TSFM: variants seen among roughly 807,000 people sequenced by gnomAD.
The protein encoded by TSFM is elongation factor Ts, mitochondrial.
TSFM carries 29 observed loss-of-function variants against 33.4 expected under a neutral mutation model. That is an observed-to-expected ratio of 0.87 (90% CI 0.65 to 1.18). The LOEUF is 1.18. TSFM is among the 50% of genes most tolerant of loss of function. The probability of loss-of-function intolerance (pLI) is 0.00; values close to 1 mark genes in which losing one functional copy is unlikely to be tolerated. For missense variants in TSFM, 394 were observed against 395.6 expected, an observed-to-expected ratio of 1.00 and a Z score of 0.04; for synonymous variants, 178 against 163.5, an observed-to-expected ratio of 1.09 and a Z score of -0.68.
At chr12:57,798,905 G>A (rs537580750), downstream of TSFM, among the ~76,000 whole-genome samples, 4 of 152,208 alleles carry the variant, frequency 2.6e-5, no homozygotes, top group East Asian at 1.9e-4. Context: ...ATGAGCCACC[G>A]TGCCCGGCCA....
intron 5 of TSFM, 79 bp from the exon 6 acceptor site, chr12:57,796,098 C>T: frequency 1.5e-6 from 2 of 1,316,588 alleles, no homozygotes; most frequent in Non-Finnish European, 2.1e-6. Context: ...CCAAACTGGG[C>T]CTCTTCTGTG....
At chr12:57,799,904 G>A (rs771083612), downstream of TSFM, 112 of 1,614,064 alleles carry the variant, frequency 6.9e-5, no homozygotes, top group Non-Finnish European at 9.3e-5. Flanking sequence ...CAGGGAGAGG[G>A]TTGCATTCTT....
At chr12:57,783,663 G>A (rs777359437) in intron 2 of TSFM, 4 of 576,124 alleles carry the variant, frequency 6.9e-6, no homozygotes, top group Non-Finnish European at 1.3e-5. Context: ...GCACGATGTT[G>A]GCTCACTGCA....
At chr12:57,796,063 TATGTA>T (rs1274102340) in intron 5 of TSFM, 109 bp from the exon 6 acceptor site, 23 of 894,992 alleles carry the variant, frequency 2.6e-5, no homozygotes. Context: ...CTGCATATCC[TATGTA>T]AATGCAAAGG....
rs749021035 is a variant in TSFM, at chr12:57,782,795, T to C, written c.-7T>C. Reference sequence around the variant, plus strand: ...CCCGCCGGAGGGTGTTTATCGCGGCTAGAGAGATGTCGCTGCTGCGGTCGC... The same window carrying C: ...CCCGCCGGAGGGTGTTTATCGCGGCCAGAGAGATGTCGCTGCTGCGGTCGC... On this transcript the variant is annotated 5_prime_UTR_variant, in exon 1 of 6. Coordinates refer to ENST00000652027, the MANE Select transcript of TSFM (RefSeq NM_005726.6). The C allele has an allele frequency of 3.8e-6, 6 of 1,587,668 alleles. No individual in the cohort carries two copies. Among genetic ancestry groups the C allele is most frequent in the Non-Finnish European group, 5.1e-6 (6 of 1,167,816 alleles).
downstream of TSFM, chr12:57,800,014 T>A: frequency 6.7e-7 from 1 of 1,484,182 alleles, no homozygotes. Flanking sequence ...CATTTTGACT[T>A]ATGCCACTTC....
chr12:57,797,790 T>A (rs1290989384), downstream of TSFM: 2 of 1,032,070 alleles, frequency 1.9e-6, no homozygotes, highest in Non-Finnish European at 2.7e-6. Flanking sequence ...AGTAGCTGAA[T>A]GTCAGGCAGA....
At position 57,796,581 on chromosome 12, in the gene TSFM, T is replaced by C. The variant is rs1235658920; in HGVS notation, c.976T>C (p.Ter326GlnextTer35). 1 of 1,410,664 alleles carries C rather than the reference T, an allele frequency of 7.1e-7. No individual in the cohort carries two copies. The highest frequency in any genetic ancestry group is 9.3e-7 in the Non-Finnish European group (1 of 1,075,372). 87.4% of individuals were successfully genotyped at this position (1,410,664 alleles called of 1,614,324 possible). A position where few individuals can be genotyped will look rare whatever the true frequency, so the allele number is the denominator to read the frequency against. ...AGGTGAAGAGGCAGCAGAAACTGAATAGGTTCCAGAGACTTTTGGCCCAGG... is the reference window on the plus strand; with the variant it reads ...AGGTGAAGAGGCAGCAGAAACTGAACAGGTTCCAGAGACTTTTGGCCCAGG... ...GEGEEAAETE[*>Q] The change falls in exon 6 of 6, where the codon TAG (stop) becomes CAG (glutamine). Residue 326 changes from the stop codon to glutamine, a stop_lost. Transcript: ENST00000652027.
At chr12:57,785,757 C>G (rs1256284125) in intron 2 of TSFM, among the ~76,000 whole-genome samples, 3 of 152,182 alleles carry the variant, frequency 2.0e-5, no homozygotes, top group African/African-American at 7.2e-5. Context: ...GTTTTCTTTA[C>G]ACTAGCATTG....
At chr12:57,802,746 C>T (rs1055307877), downstream of TSFM, 1 of 588,558 alleles carries the variant, frequency 1.7e-6, no homozygotes, top group African/African-American at 1.9e-5. Context: ...AAGGCAGAAG[C>T]CTGAGAGTTT....
intron 4 of TSFM, among the ~76,000 whole-genome samples, 168 bp downstream of exon 4, chr12:57,787,330 A>C (rs1955604473): frequency 1.3e-5 from 2 of 152,194 alleles, no homozygotes; most frequent in Admixed American, 1.3e-4. Flanking sequence ...TCCCCGTGTC[A>C]TGCTGCATTT....
rs761448648 is a variant in TSFM at position 57,791,008 on chromosome 12, A to AT, written c.484-1960dup. On this transcript the variant is annotated intron_variant, in intron 4 of 5. Transcript: ENST00000652027. The stretch of plus-strand genomic sequence containing the variant: ...GGCATGAGCCACGGCACTGGGCCAG[A>AT]TTTTTTTTTTTTTTTTTTAAGATGG... Among the ~76,000 whole-genome samples, 931 of 132,122 alleles carry AT rather than the reference A, an allele frequency of 7.0e-3. 8 individuals carry two copies. The highest frequency in any genetic ancestry group is 0.021 in the African/African-American group (754 of 35,682). The allele number at this position is 132,122 out of a possible 152,430, so 86.7% of individuals were successfully genotyped here.
chr12:57,783,295 G>T lies in TSFM; in HGVS notation c.231+12G>T. 1 of 1,613,618 alleles carries T rather than the reference G, an allele frequency of 6.2e-7. No homozygotes were observed. Among genetic ancestry groups the T allele is most frequent in the Non-Finnish European group, 8.5e-7 (1 of 1,179,880 alleles). On this transcript the variant is annotated intron_variant, in intron 2 of 5. Transcript: ENST00000652027. Reference sequence around the variant, plus strand: ...GGGACCTCAAACAGGTGTGTGTGTGGAGGGGTGCAGGGCGGAGTACTAGAG... The same window carrying T: ...GGGACCTCAAACAGGTGTGTGTGTGTAGGGGTGCAGGGCGGAGTACTAGAG...
intron 2 of TSFM, chr12:57,783,708 C>G (rs1221378227): frequency 3.4e-6 from 2 of 593,482 alleles, no homozygotes; most frequent in African/African-American, 3.7e-5. Flanking sequence ...ATTCTCCTGC[C>G]TCAGCCTCCT....
At chr12:57,791,014 T>C (rs907372050) in intron 4 of TSFM, among the ~76,000 whole-genome samples, 2 of 151,508 alleles carry the variant, frequency 1.3e-5, no homozygotes, top group East Asian at 1.9e-4. Flanking sequence ...CCAGATTTTT[T>C]TTTTTTTTTT....
At chr12:57,795,898 G>A (rs1429078881) in intron 5 of TSFM, among the ~76,000 whole-genome samples, 1 of 152,162 alleles carries the variant, frequency 6.6e-6, no homozygotes, top group Non-Finnish European at 1.5e-5. Context: ...TTACAGACGT[G>A]AGCCACTACA....
downstream of TSFM, chr12:57,802,664 G>A (rs10783847): frequency 0.36 from 231,604 of 649,752 alleles, 46,063 homozygotes; most frequent in East Asian, 0.71. Context: ...AACACCTTCA[G>A]GATGTAGCTC....
At chr12:57,795,075 A>G (rs1955713781) in intron 5 of TSFM, among the ~76,000 whole-genome samples, 1 of 136,310 alleles carries the variant, frequency 7.3e-6, no homozygotes, top group African/African-American at 2.7e-5. Flanking sequence ...AATGCTCCAT[A>G]TATATATATA....
downstream of TSFM, chr12:57,802,346 C>CA (rs753128516): frequency 1.0e-4 from 163 of 1,609,454 alleles, no homozygotes; most frequent in Middle Eastern, 5.0e-4. Context: ...TCCACAAGAA[C>CA]ACCTGTTAAG....
Sources: gnomAD v4.1 joint callset for allele counts (sites outside exome capture counted in the v4.1 genomes callset) on GRCh38, gnomAD v4.1.1 for gene constraint, MANE v1.5 for transcripts, NCBI Gene and HGNC (gene_info 2026-07-23, HGNC 2026-07-21) for gene names.